The following ENOX1 variants were observed in gnomAD, a reference collection of about 807,000 sequenced individuals.
ENOX1 encodes the protein ecto-NOX disulfide-thiol exchanger 1.
ENOX1 carries 42 observed loss-of-function variants against 82.5 expected under a neutral mutation model. The observed-to-expected ratio is 0.51, with a 90% CI of 0.40 to 0.66. The LOEUF is 0.66. ENOX1 is among the 30% of genes least tolerant of loss of function. The pLI is 0.00. For missense variants in ENOX1, 608 were observed against 811.6 expected, an observed-to-expected ratio of 0.75 and a Z score of 3.05; for synonymous variants, 271 against 282.2, an observed-to-expected ratio of 0.96 and a Z score of 0.40.
At chr13:43,312,638 C>G (rs770712840) in intron 11 of ENOX1, among the ~76,000 whole-genome samples, 3 of 152,188 alleles carry the variant, frequency 2.0e-5, no homozygotes, top group African/African-American at 7.2e-5. Context: ...TCCCTATGCA[C>G]TTCACCTCTT....
At chr13:43,687,984 A>G (rs1311241456) in intron 1 of ENOX1, among the ~76,000 whole-genome samples, 1 of 151,996 alleles carries the variant, frequency 6.6e-6, no homozygotes, top group Non-Finnish European at 1.5e-5. Context: ...AGAGAACACA[A>G]TATAAACAAA....
intron 2 of ENOX1, among the ~76,000 whole-genome samples, chr13:43,485,221 C>G (rs1012067257): frequency 6.6e-6 from 1 of 152,130 alleles, no homozygotes; most frequent in Non-Finnish European, 1.5e-5. Context: ...TCTGATGGTT[C>G]CAGTGCAACA....
In ENOX1 at chr13:43,360,051, G is replaced by A. The variant is rs138067486; in HGVS notation, c.389C>T (p.Pro130Leu). Residue 130 changes from proline to leucine, a missense_variant, in exon 7 of 17, where the codon CCA becomes CTA. Transcript: ENST00000690772. ...CTLFPQNPNL[P>L]PPSTRERPPG... Reference sequence around the variant, plus strand: ...AGGTCGTTCTCTTGTGGAAGGAGGTGGAAGATCTAATAATCACAACAAAAC... The same window carrying A: ...AGGTCGTTCTCTTGTGGAAGGAGGTAGAAGATCTAATAATCACAACAAAAC... The A allele has an allele frequency of 6.2e-7, 1 of 1,613,920 alleles. No homozygotes were observed. The highest frequency in any genetic ancestry group is 1.1e-5 in the South Asian group (1 of 91,062).
At chr13:43,393,945 T>G (rs1163519162) in intron 5 of ENOX1, among the ~76,000 whole-genome samples, 1 of 151,904 alleles carries the variant, frequency 6.6e-6, no homozygotes, top group Non-Finnish European at 1.5e-5. Flanking sequence ...CACAGGAGAG[T>G]TGGTTGTTTA....
chr13:43,567,151 T>C (rs192520440), intron 2 of ENOX1, among the ~76,000 whole-genome samples: 9 of 152,134 alleles, frequency 5.9e-5, no homozygotes, highest in African/African-American at 2.2e-4. Context: ...GAGGAAAATA[T>C]ATATACAACT....
chr13:43,481,927 A>G (rs879536648), intron 3 of ENOX1, among the ~76,000 whole-genome samples: 1 of 152,228 alleles, frequency 6.6e-6, no homozygotes, highest in Non-Finnish European at 1.5e-5. Flanking sequence ...ATCACTAATT[A>G]TCAGGGAAAT....
At chr13:43,366,657 G>A (rs760284019) in intron 5 of ENOX1, among the ~76,000 whole-genome samples, 8 of 152,058 alleles carry the variant, frequency 5.3e-5, no homozygotes, top group Non-Finnish European at 1.2e-4. Context: ...AGACATACTG[G>A]TCTTCATGGT....
chr13:43,740,806 G>T (rs2089870296), intron 1 of ENOX1, among the ~76,000 whole-genome samples: 1 of 152,100 alleles, frequency 6.6e-6, no homozygotes, highest in South Asian at 2.1e-4. Flanking sequence ...CCTTGTTGTA[G>T]CACGTGCCAG....
intron 1 of ENOX1, among the ~76,000 whole-genome samples, chr13:43,691,991 T>C (rs2086392649): frequency 6.6e-6 from 1 of 152,168 alleles, no homozygotes; most frequent in Non-Finnish European, 1.5e-5. Flanking sequence ...TGAGCCACCG[T>C]GCCTGGCCAT....
At chr13:43,592,325 C>T (rs767779090) in intron 2 of ENOX1, among the ~76,000 whole-genome samples, 2 of 152,156 alleles carry the variant, frequency 1.3e-5, no homozygotes, top group African/African-American at 2.4e-5. Flanking sequence ...TAACTTAGTG[C>T]ATACTGCAAT....
At chr13:43,649,953 T>C (rs2084079438) in intron 2 of ENOX1, among the ~76,000 whole-genome samples, 1 of 152,220 alleles carries the variant, frequency 6.6e-6, no homozygotes, top group African/African-American at 2.4e-5. Flanking sequence ...GCCTGCTACC[T>C]GACAACCCTC....
chr13:43,424,137 A>G (rs967826856), intron 3 of ENOX1, among the ~76,000 whole-genome samples: 2 of 152,246 alleles, frequency 1.3e-5, no homozygotes, highest in African/African-American at 4.8e-5. Flanking sequence ...CACAGTACAG[A>G]AAGGCAATGT....
rs1952665848 is a variant in ENOX1 at position 43,786,851 on chromosome 13, G to GC, written c.-485dup. 1 of 150,956 alleles carries GC rather than the reference G, an allele frequency of 6.6e-6. No individual in the cohort carries two copies. Among genetic ancestry groups the GC allele is most frequent in the Non-Finnish European group, 1.5e-5 (1 of 67,926 alleles). The allele number at this position is 150,956 out of a possible 1,614,324, so 9.4% of individuals were successfully genotyped here. A position where few individuals can be genotyped will look rare whatever the true frequency, so the allele number is the denominator to read the frequency against. On this transcript the variant is annotated 5_prime_UTR_variant, in exon 1 of 17. Transcript: ENST00000690772. The surrounding 1 kb of genome is among the most constrained non-coding windows in gnomAD (Gnocchi z 6.0). ...GCCGCCGCTGCAGCAGACAGAGGACGCCCCGTGGCGGCTGGAAGCCTGTGT... is the reference window on the plus strand; with the variant it reads ...GCCGCCGCTGCAGCAGACAGAGGACGCCCCCGTGGCGGCTGGAAGCCTGTGT...
intron 2 of ENOX1, among the ~76,000 whole-genome samples, chr13:43,491,958 T>C (rs1281994994): frequency 6.6e-6 from 1 of 152,140 alleles, no homozygotes; most frequent in Non-Finnish European, 1.5e-5. Context: ...CCAAAACCCT[T>C]GGATCCAGTA....
chr13:43,434,594 C>T (rs1238403469), intron 3 of ENOX1, among the ~76,000 whole-genome samples: 6 of 152,162 alleles, frequency 3.9e-5, no homozygotes, highest in Admixed American at 3.3e-4. Context: ...GGACCCAACA[C>T]CATTATTTTA....
At chr13:43,242,956 C>T (rs972657426) in intron 14 of ENOX1, among the ~76,000 whole-genome samples, 1 of 151,946 alleles carries the variant, frequency 6.6e-6, no homozygotes, top group Non-Finnish European at 1.5e-5. Flanking sequence ...GCCAACATGG[C>T]GAAACCCTGT....
intron 9 of ENOX1, among the ~76,000 whole-genome samples, chr13:43,342,910 ATT>A (rs955158698): frequency 1.3e-4 from 20 of 152,216 alleles, no homozygotes; most frequent in Admixed American, 1.3e-4. Context: ...TCACAGGGGC[ATT>A]TTAATAGGTG....
intron 5 of ENOX1, among the ~76,000 whole-genome samples, chr13:43,394,303 T>C (rs549389052): frequency 4.6e-5 from 7 of 152,322 alleles, no homozygotes; most frequent in Admixed American, 4.6e-4. Context: ...GACTAGCCAA[T>C]TTCATTGAGT....
At chr13:43,445,592 C>T (rs1452393921) in intron 3 of ENOX1, among the ~76,000 whole-genome samples, 1 of 152,094 alleles carries the variant, frequency 6.6e-6, no homozygotes, top group African/African-American at 2.4e-5. Context: ...GGCATGGATC[C>T]TGCTCAGGTG....
Sources: allele counts gnomAD v4.1 joint callset (sites outside exome capture counted in the v4.1 genomes callset), GRCh38; gene constraint gnomAD v4.1.1; non-coding constraint Gnocchi (gnomAD v3.1); transcripts MANE v1.5; gene names NCBI Gene and HGNC (gene_info 2026-07-23, HGNC 2026-07-21).